NBEA: variants seen among roughly 807,000 people sequenced by gnomAD.
NBEA encodes the protein neurobeachin, also known as lysosomal-trafficking regulator 2.
In NBEA, 44 loss-of-function variants were observed where a neutral mutation model predicts 343.4. That is an observed-to-expected ratio of 0.13 (90% CI 0.10 to 0.16). The LOEUF (loss-of-function observed/expected upper bound fraction) is 0.16, where lower values mean the gene tolerates loss of function less well. Ranked by LOEUF, NBEA falls within the 10% of genes least tolerant of loss-of-function variation. NBEA has a pLI of 1.00. For missense variants in NBEA, 2,555 were observed against 3,631.3 expected (o/e 0.70, Z 7.62); for synonymous variants, 1,175 against 1,238.7 (o/e 0.95, Z 1.08).
intron 48 of NBEA, among the ~76,000 whole-genome samples, chr13:35,607,833 C>T (rs1028310670): frequency 1.3e-5 from 2 of 152,068 alleles, no homozygotes; most frequent in African/African-American, 2.4e-5. Context: ...GCATTTTTAT[C>T]ACCTCATAGA....
At chr13:35,138,476 T>C (rs939890565) in intron 17 of NBEA, among the ~76,000 whole-genome samples, 12 of 150,498 alleles carry the variant, frequency 8.0e-5, no homozygotes, top group East Asian at 1.9e-4. Context: ...TTTTTTTTTT[T>C]CGAGATGGAG....
At chr13:35,666,346 A>G (rs1001106151) in intron 56 of NBEA, among the ~76,000 whole-genome samples, 6 of 151,486 alleles carry the variant, frequency 4.0e-5, no homozygotes, top group African/African-American at 1.5e-4. Flanking sequence ...GACACATAGG[A>G]TATTTTCAGT....
At chr13:35,384,327 A>T (rs955998595) in intron 38 of NBEA, among the ~76,000 whole-genome samples, 1 of 152,198 alleles carries the variant, frequency 6.6e-6, no homozygotes, top group Admixed American at 6.5e-5. Flanking sequence ...AGTAAATTAC[A>T]TCTCTGAGAC....
At chr13:35,148,635 G>T (rs2068583946) in intron 18 of NBEA, among the ~76,000 whole-genome samples, 1 of 152,046 alleles carries the variant, frequency 6.6e-6, no homozygotes, top group African/African-American at 2.4e-5. Flanking sequence ...ATACACATAT[G>T]CACACAGAAC....
chr13:35,436,199 G>A (rs111512564), intron 39 of NBEA, among the ~76,000 whole-genome samples: 2 of 152,180 alleles, frequency 1.3e-5, no homozygotes, highest in African/African-American at 2.4e-5. Flanking sequence ...TCCATCTGCC[G>A]TTAAACATTT....
intron 49 of NBEA, among the ~76,000 whole-genome samples, chr13:35,629,102 T>G (rs1173502943): frequency 1.3e-5 from 2 of 152,148 alleles, no homozygotes; most frequent in African/African-American, 4.8e-5. Context: ...TTAGTGAAAA[T>G]ATTCATATAA....
intron 41 of NBEA, among the ~76,000 whole-genome samples, chr13:35,494,648 G>A (rs1042467345): frequency 3.3e-5 from 5 of 152,010 alleles, no homozygotes; most frequent in South Asian, 2.1e-4. Flanking sequence ...TACAGAAAAC[G>A]AAAAGCAAAA....
At chr13:35,567,657 A>G (rs1566334482) in intron 45 of NBEA, among the ~76,000 whole-genome samples, 1 of 152,244 alleles carries the variant, frequency 6.6e-6, no homozygotes, top group Non-Finnish European at 1.5e-5. Flanking sequence ...GGCCTGCCTT[A>G]AAGTTTATGT....
At chr13:35,631,638 T>TAAAAAAAAAAAAAAAAAAAAAAA (rs59333937) in intron 49 of NBEA, among the ~76,000 whole-genome samples, 6 of 126,456 alleles carry the variant, frequency 4.7e-5, no homozygotes, top group African/African-American at 1.8e-4. Context: ...GTCTCCTTTG[T>TAAAAAAAAAAAAAAAAAAAAAAA]AAAAAAAAAA....
intron 35 of NBEA, among the ~76,000 whole-genome samples, chr13:35,309,250 A>G (rs2037196835): frequency 6.6e-6 from 1 of 152,064 alleles, no homozygotes; most frequent in Non-Finnish European, 1.5e-5. Flanking sequence ...TTTGGAAAGA[A>G]GCTTTGTGCT....
chr13:35,527,077 G>A (rs1398388723), intron 41 of NBEA, among the ~76,000 whole-genome samples: 1 of 151,974 alleles, frequency 6.6e-6, no homozygotes, highest in East Asian at 1.9e-4. Context: ...TGGCAAGCAG[G>A]GGCCATGTTT....
chr13:35,150,039 G>A (rs1178208168), intron 18 of NBEA, among the ~76,000 whole-genome samples: 3 of 152,154 alleles, frequency 2.0e-5, no homozygotes, highest in Non-Finnish European at 4.4e-5. Context: ...CTGTGTCTTA[G>A]ATGAGGAAAA....
In NBEA at chr13:34,943,274, G is replaced by A. The variant is rs572554345; in HGVS notation, c.294+160G>A. Among the ~76,000 whole-genome samples the A allele has an allele frequency of 1.3e-4, 20 of 152,172 alleles. No homozygotes were observed. In the East Asian group the frequency reaches 2.7e-3, roughly 21 times the overall value. On this transcript the variant is annotated intron_variant, in intron 1 of 58. Transcript: ENST00000379939. ...ATTGCCCAGCGGGTGACCTGCCTGC[G>A]CGCTGCTAGAGCCACGCCACCTCCC...
At chr13:35,301,285 T>C (rs1427501663) in intron 35 of NBEA, among the ~76,000 whole-genome samples, 3 of 152,112 alleles carry the variant, frequency 2.0e-5, no homozygotes, top group African/African-American at 2.4e-5. Flanking sequence ...ACCCGTCATC[T>C]AGGTTTTAAG....
At chr13:35,266,482 A>G (rs1311481863) in intron 34 of NBEA, among the ~76,000 whole-genome samples, 1 of 151,906 alleles carries the variant, frequency 6.6e-6, no homozygotes, top group Non-Finnish European at 1.5e-5. Flanking sequence ...TACGCTATAT[A>G]TACACAGTGG....
chr13:35,117,616 C>G, intron 14 of NBEA, 123 bp downstream of exon 14: 1 of 373,156 alleles, frequency 2.7e-6, no homozygotes, highest in South Asian at 1.2e-4. Context: ...TCAAAATTCT[C>G]CACATCTTAG....
Position 35,390,835 on chromosome 13 carries a change from C to T in NBEA, c.6179+38512C>T, listed in dbSNP as rs538671772. Among the ~76,000 whole-genome samples, 6 of 152,114 alleles carry T rather than the reference C, an allele frequency of 3.9e-5. No individual in the cohort carries two copies. The East Asian group carries it at 7.7e-4, about 20-fold the overall frequency. ...TGAAGAATTTCAAATTGTATTATCTCCTTTTTTATATTTTGTGTTATCAGT... is the reference window on the plus strand; with the variant it reads ...TGAAGAATTTCAAATTGTATTATCTTCTTTTTTATATTTTGTGTTATCAGT... On this transcript the variant is annotated intron_variant, in intron 38 of 58. Transcript: ENST00000379939.
Position 35,352,150 on chromosome 13 carries a change from T to C in NBEA, c.6013-7T>C, listed in dbSNP as rs765716462. ...TATTATTATGCATCATTTGTATTTCTTTATAGTCACAGTGTGCCCAATATG... is the reference window on the plus strand; with the variant it reads ...TATTATTATGCATCATTTGTATTTCCTTATAGTCACAGTGTGCCCAATATG... On this transcript the variant is annotated splice_polypyrimidine_tract_variant and splice_region_variant and intron_variant, in intron 37 of 58. Coordinates refer to ENST00000379939, the MANE Select transcript of NBEA (RefSeq NM_001385012.1). 7.0e-7 allele frequency: 1 copy of C among 1,422,832 alleles called. No homozygotes were observed. The highest frequency in any genetic ancestry group is 1.8e-5 in the South Asian group (1 of 56,324). The allele number at this position is 1,422,832 out of a possible 1,614,324, so 88.1% of individuals were successfully genotyped here.
chr13:35,583,983 A>G lies in NBEA; in HGVS notation c.7121A>G (p.His2374Arg). The change falls in exon 46 of 59, where the codon CAT (histidine) becomes CGT (arginine). Residue 2374 changes from histidine to arginine, a missense_variant. This residue lies in a region of NBEA where 156 missense variants were observed against 185.8 expected (regional missense o/e 0.84). Coordinates refer to ENST00000379939, the MANE Select transcript of NBEA (RefSeq NM_001385012.1). ...TWEDDQSPPY[H>R]YNTHYSTATS... Reference sequence around the variant, plus strand: ...GAAGATGATCAAAGCCCACCCTACCATTATAATACCCATTATTCAACAGCA... The same window carrying G: ...GAAGATGATCAAAGCCCACCCTACCGTTATAATACCCATTATTCAACAGCA... 1 of 1,613,460 alleles carries G rather than the reference A, an allele frequency of 6.2e-7. No individual in the cohort carries two copies. The highest frequency in any genetic ancestry group is 8.5e-7 in the Non-Finnish European group (1 of 1,179,492).
Sources: allele counts gnomAD v4.1 joint callset (sites outside exome capture counted in the v4.1 genomes callset), GRCh38; gene constraint gnomAD v4.1.1; regional missense constraint gnomAD v4.1.1; transcripts MANE v1.5; gene names NCBI Gene and HGNC (gene_info 2026-07-23, HGNC 2026-07-21).